C1QTNF3: variants seen among roughly 807,000 people sequenced by gnomAD.
The protein encoded by C1QTNF3 is C1q and TNF related 3.
In C1QTNF3, 26 loss-of-function variants were observed where a neutral mutation model predicts 32.6. The ratio of observed to expected loss-of-function variants is 0.80; its 90% CI spans 0.58 to 1.11. C1QTNF3 has a LOEUF of 1.11. Among genes scored for constraint, C1QTNF3 ranks in the 50% least tolerant of loss-of-function variants. The probability of loss-of-function intolerance (pLI) is 0.00; values close to 1 mark genes in which losing one functional copy is unlikely to be tolerated. For synonymous variants in C1QTNF3, 155 were observed against 146.0 expected (o/e 1.06, Z -0.44); for missense variants, 362 against 398.2 (o/e 0.91, Z 0.77).
the C1QTNF3 span, among the ~76,000 whole-genome samples, chr5:34,120,277 G>A: frequency 4.1e-4 from 63 of 152,058 alleles, no homozygotes; most frequent in Admixed American, 8.5e-4. Flanking sequence ...CTGAACTGAC[G>A]TTTTTGTTTT....
chr5:34,054,900 G>A, the C1QTNF3 span, among the ~76,000 whole-genome samples: 1 of 151,916 alleles, frequency 6.6e-6, no homozygotes, highest in South Asian at 2.1e-4. Flanking sequence ...TCTGCCATAT[G>A]TAGACCAAAA....
the C1QTNF3 span, among the ~76,000 whole-genome samples, chr5:34,095,188 TTCTA>T: frequency 2.2e-4 from 33 of 151,948 alleles, no homozygotes; most frequent in Non-Finnish European, 3.7e-4. Flanking sequence ...AATTTATTAT[TTCTA>T]TCTGACTGTG....
At chr5:34,051,663 G>T in the C1QTNF3 span, among the ~76,000 whole-genome samples, 1 of 152,204 alleles carries the variant, frequency 6.6e-6, no homozygotes, top group Non-Finnish European at 1.5e-5. Flanking sequence ...TCCTGAGAAG[G>T]CAGGGTACTT....
chr5:34,161,222 A>C, the C1QTNF3 span, among the ~76,000 whole-genome samples: 1 of 152,184 alleles, frequency 6.6e-6, no homozygotes, highest in Admixed American at 6.5e-5. Flanking sequence ...TTCATAGCTC[A>C]ATGTGGGCAA....
At chr5:34,064,999 C>T in the C1QTNF3 span, among the ~76,000 whole-genome samples, 1 of 151,378 alleles carries the variant, frequency 6.6e-6, no homozygotes, top group Non-Finnish European at 1.5e-5. Context: ...GAATTTTTGG[C>T]TAAGTCTCCA....
At chr5:34,220,826 T>C in the C1QTNF3 span, among the ~76,000 whole-genome samples, 1 of 152,024 alleles carries the variant, frequency 6.6e-6, no homozygotes, top group Non-Finnish European at 1.5e-5. Flanking sequence ...GATCAGAATA[T>C]AAAGCATGTG....
At chr5:34,236,292 G>A in the C1QTNF3 span, among the ~76,000 whole-genome samples, 1 of 151,972 alleles carries the variant, frequency 6.6e-6, no homozygotes. Flanking sequence ...TCGGGATGCT[G>A]AGGCAGGAGA....
At chr5:34,226,664 C>T in the C1QTNF3 span, among the ~76,000 whole-genome samples, 221 of 151,712 alleles carry the variant, frequency 1.5e-3, no homozygotes, top group African/African-American at 5.2e-3. Context: ...TCCCCACCAC[C>T]CCAGCACAGT....
At chr5:34,216,870 G>C in the C1QTNF3 span, among the ~76,000 whole-genome samples, 1 of 152,120 alleles carries the variant, frequency 6.6e-6, no homozygotes, top group African/African-American at 2.4e-5. Flanking sequence ...ATTGCCACTA[G>C]AATTGTGTGC....
chr5:34,176,224 A>C, the C1QTNF3 span, among the ~76,000 whole-genome samples: 2 of 129,238 alleles, frequency 1.5e-5, no homozygotes, highest in East Asian at 2.4e-4. Flanking sequence ...GGACACAGGA[A>C]GGGGAACATC....
At position 34,043,058 on chromosome 5, in the gene C1QTNF3, T is replaced by C. The variant is rs1431788458; in HGVS notation, c.68A>G (p.Gln23Arg). 3 of 1,614,114 alleles carry C rather than the reference T, an allele frequency of 1.9e-6. No homozygotes were observed. The highest frequency in any genetic ancestry group is 2.2e-5 in the East Asian group (1 of 44,876). ...ALFFLPFCLC[Q>R]DEYMEVSGRT... Reference sequence around the variant, plus strand: ...TCCGCTCACCTCCATGTATTCATCTTGACACAGGCAAAAAGGGAGGAAAAA... The same window carrying C: ...TCCGCTCACCTCCATGTATTCATCTCGACACAGGCAAAAAGGGAGGAAAAA... Residue 23 changes from glutamine (Q) to arginine (R), a missense_variant, in exon 1 of 6, where the codon CAA becomes CGA. By Grantham distance (43) the Gln-to-Arg change is conservative (BLOSUM62 1). Transcript: ENST00000382065.
the C1QTNF3 span, among the ~76,000 whole-genome samples, chr5:34,056,384 T>A: frequency 1.3e-5 from 2 of 148,198 alleles, no homozygotes; most frequent in Non-Finnish European, 3.0e-5. Context: ...TCATACTTAT[T>A]AACTTTTACC....
the C1QTNF3 span, among the ~76,000 whole-genome samples, chr5:34,118,468 C>T: frequency 6.6e-6 from 1 of 152,182 alleles, no homozygotes; most frequent in African/African-American, 2.4e-5. Flanking sequence ...GGATTGACAA[C>T]AACACATTCA....
At position 34,042,931 on chromosome 5, in the gene C1QTNF3, A is replaced by T; in HGVS notation, c.195T>A (p.Thr65=). 6.2e-7 allele frequency: 1 copy of T among 1,614,136 alleles called. No homozygotes were observed. The highest frequency in any genetic ancestry group is 1.1e-5 in the South Asian group (1 of 91,080). ...TAGAAGTGTTATTATCCACAGTCCCAGTTTTAGGATGGCTCCGCTCTCTCA... is the reference window on the plus strand; with the variant it reads ...TAGAAGTGTTATTATCCACAGTCCCTGTTTTAGGATGGCTCCGCTCTCTCA... The part of the protein sequence containing the change: ...EKVRERSHPK[T]GTVDNNTSTD... Residue 65 remains threonine, a synonymous_variant, in exon 1 of 6, where the codon ACT becomes ACA. Coordinates refer to ENST00000382065, the MANE Select transcript of C1QTNF3 (RefSeq NM_181435.6).
chr5:34,053,599 G>A, the C1QTNF3 span, among the ~76,000 whole-genome samples: 4 of 152,124 alleles, frequency 2.6e-5, no homozygotes, highest in African/African-American at 2.4e-5. Context: ...GCACCTAACC[G>A]GCATGTGTAT....
chr5:34,140,521 G>A, the C1QTNF3 span, among the ~76,000 whole-genome samples: 23 of 152,258 alleles, frequency 1.5e-4, 1 homozygote, highest in Admixed American at 5.2e-4. Flanking sequence ...ATAAATATTC[G>A]TATGAGAAAT....
chr5:34,169,234 A>G, the C1QTNF3 span: 19 of 152,298 alleles, frequency 1.2e-4, 1 homozygote, highest in Admixed American at 9.2e-4. Flanking sequence ...AATTAACACA[A>G]TTGTGAGGAA....
At chr5:34,116,751 C>T in the C1QTNF3 span, among the ~76,000 whole-genome samples, 1 of 151,822 alleles carries the variant, frequency 6.6e-6, no homozygotes, top group East Asian at 1.9e-4. Context: ...CCTGACACCA[C>T]GCCCAGCTAA....
the C1QTNF3 span, among the ~76,000 whole-genome samples, chr5:34,144,422 C>T: frequency 6.6e-6 from 1 of 152,100 alleles, no homozygotes; most frequent in African/African-American, 2.4e-5. Context: ...GACACTAGAC[C>T]AAATGTATCT....
Sources: allele counts gnomAD v4.1 joint callset (sites outside exome capture counted in the v4.1 genomes callset), GRCh38; gene constraint gnomAD v4.1.1; transcripts MANE v1.5; gene names NCBI Gene and HGNC (gene_info 2026-07-23, HGNC 2026-07-21).